GOLM2: variants seen among roughly 807,000 people sequenced by gnomAD.
GOLM2 encodes golgi membrane protein 2.
A neutral mutation model predicts 55.9 loss-of-function variants in GOLM2; 26 were observed. The ratio of observed to expected loss-of-function variants is 0.47; its 90% CI spans 0.34 to 0.65. The LOEUF is 0.65. Ranked by LOEUF, GOLM2 falls within the 30% of genes least tolerant of loss-of-function variation. The pLI is 0.01. For synonymous variants in GOLM2, 165 were observed against 194.6 expected (o/e 0.85, Z 1.27); for missense variants, 486 against 531.8 (o/e 0.91, Z 0.85).
rs2141140442 is a variant in GOLM2, at chr15:44,332,050, T to C, written c.548T>C (p.Leu183Ser). The change falls in exon 4 of 10, where the codon TTA becomes TCA. Residue 183 changes from leucine (L) to serine (S), a missense_variant. Coordinates refer to ENST00000299957, the MANE Select transcript of GOLM2 (RefSeq NM_138423.4). ...RAQHEENIKK[L>S]ADQFLEEQKQ... Reference sequence around the variant, plus strand: ...CAGCATGAAGAAAATATTAAAAAGTTAGCAGACCAGTTTTTAGAGGAACAA... The same window carrying C: ...CAGCATGAAGAAAATATTAAAAAGTCAGCAGACCAGTTTTTAGAGGAACAA... 6.3e-7 allele frequency: 1 copy of C among 1,598,392 alleles called. No individual in the cohort carries two copies. Among genetic ancestry groups the C allele is most frequent in the East Asian group, 2.3e-5 (1 of 44,222 alleles).
Position 44,413,402 on chromosome 15 carries a change from T to G in GOLM2, c.1307T>G (p.Leu436Arg), listed in dbSNP as rs1340826621. 6.2e-7 allele frequency: 1 copy of G among 1,607,236 alleles called. No homozygotes were observed. Residue 436 changes from leucine (L) to arginine (R), a missense_variant, in exon 10 of 10, where the codon CTT becomes CGT. Transcript: ENST00000299957. ...GGAAAGCAACATTTCAATGATGTCC[T>G]TTAAGTCCTAAAGGAATGCTTCAGA... ...DYGKQHFNDV[L>R] is the part of the protein sequence containing the mutation.
chr15:44,387,203 A>T (rs920120314), intron 8 of GOLM2: 19 of 151,810 alleles, frequency 1.3e-4, no homozygotes, highest in African/African-American at 4.6e-4. Flanking sequence ...AAAAAAAAAA[A>T]AGGAATTGCA....
Position 44,413,467 on chromosome 15 carries a change from C to G in GOLM2, c.*61C>G. The G allele has an allele frequency of 8.0e-7, 1 of 1,249,666 alleles. No individual in the cohort carries two copies. The highest frequency in any genetic ancestry group is 1.2e-6 in the Non-Finnish European group (1 of 865,402). The allele number at this position is 1,249,666 out of a possible 1,614,324, so 77.4% of individuals were successfully genotyped here. Reference sequence around the variant, plus strand: ...GTAAAATGAAATCATTCTACTTTGTCCTTTCTGACTTTTGTTGTAAAGACG... The same window carrying G: ...GTAAAATGAAATCATTCTACTTTGTGCTTTCTGACTTTTGTTGTAAAGACG... On this transcript the variant is annotated 3_prime_UTR_variant, in exon 10 of 10. Coordinates refer to ENST00000299957, the MANE Select transcript of GOLM2 (RefSeq NM_138423.4).
chr15:44,392,897 AGAGT>A (rs1298524827), intron 8 of GOLM2, among the ~76,000 whole-genome samples: 1 of 152,236 alleles, frequency 6.6e-6, no homozygotes, highest in Non-Finnish European at 1.5e-5. Context: ...TTAACTCGAT[AGAGT>A]ATTTTAAGCA....
chr15:44,296,611 C>T (rs2078758460), intron 1 of GOLM2, among the ~76,000 whole-genome samples: 1 of 152,136 alleles, frequency 6.6e-6, no homozygotes, highest in South Asian at 2.1e-4. Context: ...TAAAACAGTG[C>T]CTACTACATT....
At chr15:44,391,222 T>C (rs2079485928) in intron 8 of GOLM2, among the ~76,000 whole-genome samples, 1 of 151,868 alleles carries the variant, frequency 6.6e-6, no homozygotes, top group Non-Finnish European at 1.5e-5. Flanking sequence ...GCAAGTGAAA[T>C]TGGAAAGACC....
chr15:44,311,107 T>C (rs1482261010), intron 1 of GOLM2, among the ~76,000 whole-genome samples: 3 of 152,120 alleles, frequency 2.0e-5, no homozygotes, highest in Non-Finnish European at 4.4e-5. Flanking sequence ...CTAAAGAATA[T>C]GGATATAAAC....
At position 44,369,103 on chromosome 15, in the gene GOLM2, A is replaced by AATATG. The variant is rs1473937654; in HGVS notation, c.803-10587_803-10586insATATG. Among the ~76,000 whole-genome samples, 341 of 100,280 alleles carry AATATG rather than the reference A, an allele frequency of 3.4e-3. 15 individuals carry two copies. Among genetic ancestry groups the AATATG allele is most frequent in the East Asian group, 0.019 (52 of 2,740 alleles). 65.8% of individuals were successfully genotyped at this position (100,280 alleles called of 152,430 possible). A position where few individuals can be genotyped will look rare whatever the true frequency, so the allele number is the denominator to read the frequency against. On this transcript the variant is annotated intron_variant, in intron 6 of 9. Transcript: ENST00000299957. ...TATATATATATATATATATATATATATATATATATATATACCCGGCTACCA... is the reference window on the plus strand; with the variant it reads ...TATATATATATATATATATATATATAATATGTATATATATATATACCCGGCTACCA...
At chr15:44,309,454 T>C (rs2078859446) in intron 1 of GOLM2, among the ~76,000 whole-genome samples, 1 of 152,172 alleles carries the variant, frequency 6.6e-6, no homozygotes, top group Non-Finnish European at 1.5e-5. Flanking sequence ...AATTGTCAAA[T>C]ATCCCTTAAT....
intron 6 of GOLM2, among the ~76,000 whole-genome samples, chr15:44,361,006 G>A (rs1322429775): frequency 5.3e-5 from 8 of 150,190 alleles, no homozygotes; most frequent in Non-Finnish European, 8.9e-5. Flanking sequence ...TGAAACCAAC[G>A]AGAACAAAGA....
intron 6 of GOLM2, among the ~76,000 whole-genome samples, chr15:44,344,537 G>A (rs1033663498): frequency 6.6e-6 from 1 of 151,628 alleles, no homozygotes; most frequent in Non-Finnish European, 1.5e-5. Flanking sequence ...GTAATGTTAG[G>A]CAGTTACATA....
chr15:44,306,185 A>G (rs1012399676), intron 1 of GOLM2, among the ~76,000 whole-genome samples: 1 of 152,220 alleles, frequency 6.6e-6, no homozygotes, highest in Admixed American at 6.5e-5. Context: ...TTTACATGGA[A>G]AATGTGTTGT....
intron 8 of GOLM2, among the ~76,000 whole-genome samples, chr15:44,396,847 T>TAA (rs2079529998): frequency 6.6e-6 from 1 of 152,230 alleles, no homozygotes; most frequent in Admixed American, 6.5e-5. Context: ...AATAATCTGT[T>TAA]ACAATTTTTC....
chr15:44,338,626 T>C (rs1460139080), intron 6 of GOLM2, among the ~76,000 whole-genome samples: 1 of 152,228 alleles, frequency 6.6e-6, no homozygotes, highest in Non-Finnish European at 1.5e-5. Context: ...TTACTAAAAG[T>C]ATGCATGGCT....
intron 4 of GOLM2, among the ~76,000 whole-genome samples, chr15:44,336,634 T>G (rs1270077874): frequency 6.6e-6 from 1 of 151,454 alleles, no homozygotes; most frequent in African/African-American, 2.4e-5. Context: ...TTGGCTGTTG[T>G]GGCCGGGTAC....
At chr15:44,379,209 G>A (rs902216542) in intron 6 of GOLM2, among the ~76,000 whole-genome samples, 4 of 152,190 alleles carry the variant, frequency 2.6e-5, no homozygotes, top group Non-Finnish European at 4.4e-5. Flanking sequence ...GGGCGCGGCG[G>A]CTCACACCTA....
intron 1 of GOLM2, among the ~76,000 whole-genome samples, chr15:44,295,162 C>T (rs1425989621): frequency 6.6e-6 from 1 of 152,044 alleles, no homozygotes; most frequent in Non-Finnish European, 1.5e-5. Flanking sequence ...TCACTTCAAC[C>T]TCCACCCGCC....
At chr15:44,384,040 C>T (rs1007715742) in intron 8 of GOLM2, among the ~76,000 whole-genome samples, 1 of 151,896 alleles carries the variant, frequency 6.6e-6, no homozygotes, top group Non-Finnish European at 1.5e-5. Context: ...TATTGTCGTT[C>T]CTGATATAAG....
At chr15:44,310,147 G>C (rs953436556) in intron 1 of GOLM2, among the ~76,000 whole-genome samples, 2 of 152,124 alleles carry the variant, frequency 1.3e-5, no homozygotes, top group Admixed American at 6.5e-5. Context: ...GCCTCCCAAA[G>C]TACTGGGATT....
Sources: allele counts gnomAD v4.1 joint callset (sites outside exome capture counted in the v4.1 genomes callset), GRCh38; gene constraint gnomAD v4.1.1; transcripts MANE v1.5; gene names NCBI Gene and HGNC (gene_info 2026-07-23, HGNC 2026-07-21).